Variants in SIDT1 observed in about 807,000 individuals in gnomAD.
SIDT1 encodes the protein SID1 transmembrane family, member 1.
Under a neutral mutation model 107.5 loss-of-function variants are expected in SIDT1, and 101 were observed. The ratio of observed to expected loss-of-function variants is 0.94; its 90% CI spans 0.80 to 1.11. The LOEUF (loss-of-function observed/expected upper bound fraction) is 1.11, where lower values mean the gene tolerates loss of function less well. SIDT1 is among the 50% of genes least tolerant of loss of function. SIDT1 has a pLI of 0.00. For synonymous variants in SIDT1, 395 were observed against 398.2 expected (o/e 0.99, Z 0.10); for missense variants, 1,076 against 1,058.2 (o/e 1.02, Z -0.23).
chr3:113,582,739 AAAAC>A (rs753584500), intron 6 of SIDT1, among the ~76,000 whole-genome samples: 24 of 152,306 alleles, frequency 1.6e-4, no homozygotes, highest in Non-Finnish European at 2.8e-4. Context: ...TCCTTCTCAA[AAAAC>A]AAACAAACAA....
chr3:113,608,201 A>G lies in SIDT1; in HGVS notation c.1586A>G (p.Lys529Arg), dbSNP rs1945477911. The change falls in exon 16 of 25, where the codon AAG becomes AGG. Residue 529 changes from lysine to arginine, a missense_variant. Physicochemically the swap from Lys to Arg is conservative, Grantham distance 26. Transcript: ENST00000264852. The stretch of plus-strand genomic sequence containing the variant: ...CTCCATCGGAGAGCCCTGGAAGCCA[A>G]GGACATCTTTGCTGTGGTGAGGAAA... ...DILHRRALEA[K>R]DIFAVEYGIP... 6.2e-7 allele frequency: 1 copy of G among 1,600,116 alleles called. No individual in the cohort carries two copies. The highest frequency in any genetic ancestry group is 1.3e-5 in the African/African-American group (1 of 74,498).
At chr3:113,623,315 A>T (rs1946602687) in intron 21 of SIDT1, 112 bp from the exon 22 acceptor site, 2 of 167,760 alleles carry the variant, frequency 1.2e-5, no homozygotes, top group South Asian at 1.5e-4. Context: ...AATAAAAGTT[A>T]AAAAAAAAAA....
chr3:113,545,606 G>C (rs138494107), intron 1 of SIDT1, among the ~76,000 whole-genome samples: 8 of 152,128 alleles, frequency 5.3e-5, no homozygotes, highest in Non-Finnish European at 1.5e-5. Context: ...TGACATGATC[G>C]GTTGTCATCC....
rs548776993 is a variant in SIDT1 at position 113,593,426 on chromosome 3, C to T, written c.1045+378C>T. Among the ~76,000 whole-genome samples the T allele has an allele frequency of 5.9e-5, 9 of 152,270 alleles. 1 individual carries two copies. The East Asian group carries it at 1.4e-3, about 23-fold the overall frequency. ...CTGTGCATGCGAGGGATCTGGGTTG[C>T]GTGCTCCTTATGAGAATCTAATGCC... On this transcript the variant is annotated intron_variant, in intron 10 of 24. Coordinates refer to ENST00000264852, the MANE Select transcript of SIDT1 (RefSeq NM_017699.3).
intron 1 of SIDT1, among the ~76,000 whole-genome samples, chr3:113,548,274 T>C (rs1236690374): frequency 6.6e-6 from 1 of 152,166 alleles, no homozygotes; most frequent in Non-Finnish European, 1.5e-5. Flanking sequence ...TCACTCTTGG[T>C]GTTGCACAGT....
chr3:113,549,294 A>G (rs1415933115), intron 1 of SIDT1, among the ~76,000 whole-genome samples: 1 of 152,202 alleles, frequency 6.6e-6, no homozygotes, highest in Non-Finnish European at 1.5e-5. Flanking sequence ...TGGAGTATAT[A>G]GTAAGACTAT....
At chr3:113,632,653 T>C (rs1191240585), downstream of SIDT1, 2 of 152,194 alleles carry the variant, frequency 1.3e-5, no homozygotes, top group Admixed American at 1.3e-4. Context: ...GGCTAGGCAC[T>C]GTGAGAAAAT....
At chr3:113,597,314 T>C (rs889176638) in intron 10 of SIDT1, among the ~76,000 whole-genome samples, 1 of 151,974 alleles carries the variant, frequency 6.6e-6, no homozygotes. Context: ...CTGGCCAACA[T>C]TGTGAAACCC....
chr3:113,552,868 A>C (rs1323947141), intron 1 of SIDT1, among the ~76,000 whole-genome samples: 1 of 152,140 alleles, frequency 6.6e-6, no homozygotes, highest in Non-Finnish European at 1.5e-5. Flanking sequence ...AAATTCACAC[A>C]GTGGGTTGGA....
intron 1 of SIDT1, among the ~76,000 whole-genome samples, chr3:113,541,251 C>T (rs1938825509): frequency 6.6e-6 from 1 of 152,134 alleles, no homozygotes; most frequent in East Asian, 1.9e-4. Flanking sequence ...CTCACTGCAA[C>T]CTCTGCCTCC....
chr3:113,612,148 G>C lies in SIDT1; in HGVS notation c.1920G>C (p.Ser640=), dbSNP rs201901082. 1.2e-6 allele frequency: 2 copies of C among 1,613,888 alleles called. No individual in the cohort carries two copies. Among genetic ancestry groups the C allele is most frequent in the Non-Finnish European group, 1.7e-6 (2 of 1,179,990 alleles). ...VIFSAIHVLA[S]LALSTQIYYM... is the part of the protein sequence containing the mutation. ...TCTCTGCAATCCACGTTCTGGCCTC[G>C]CTAGCCCTCAGCACCCAGATATATT... The change falls in exon 19 of 25, where the codon TCG becomes TCC. Residue 640 remains serine, a synonymous_variant. Coordinates refer to ENST00000264852, the MANE Select transcript of SIDT1 (RefSeq NM_017699.3).
At chr3:113,564,052 G>C (rs542441236) in intron 1 of SIDT1, among the ~76,000 whole-genome samples, 3 of 152,048 alleles carry the variant, frequency 2.0e-5, no homozygotes, top group Admixed American at 6.6e-5. Context: ...GGGTTCAAGC[G>C]ATTCTCCTGC....
chr3:113,600,927 A>G (rs1396726122), intron 10 of SIDT1, among the ~76,000 whole-genome samples: 1 of 152,188 alleles, frequency 6.6e-6, no homozygotes, highest in East Asian at 1.9e-4. Context: ...TGAGGGCCAA[A>G]GTCTGCATTT....
At chr3:113,559,501 G>A (rs1941222824) in intron 1 of SIDT1, among the ~76,000 whole-genome samples, 1 of 151,606 alleles carries the variant, frequency 6.6e-6, no homozygotes, top group Non-Finnish European at 1.5e-5. Flanking sequence ...CAGTGTAGTG[G>A]CCCAATCTGG....
At chr3:113,556,097 C>T (rs1940827173) in intron 1 of SIDT1, among the ~76,000 whole-genome samples, 1 of 152,042 alleles carries the variant, frequency 6.6e-6, no homozygotes, top group Non-Finnish European at 1.5e-5. Flanking sequence ...TTGAAGAAAC[C>T]GAGGGCGAGA....
Position 113,627,882 on chromosome 3 carries a change from G to A in SIDT1, c.*174G>A, listed in dbSNP as rs1946957800. The A allele has an allele frequency of 3.2e-6, 2 of 615,746 alleles. No individual in the cohort carries two copies. Among genetic ancestry groups the A allele is most frequent in the African/African-American group, 3.7e-5 (2 of 54,010 alleles). 38.1% of individuals were successfully genotyped at this position (615,746 alleles called of 1,614,324 possible). On this transcript the variant is annotated 3_prime_UTR_variant, in exon 25 of 25. Transcript: ENST00000264852. ...GCGGGAGATTTAAACCTGCAAGAAA[G>A]GAGGCAGAAGGGGAGCCATGTTTTG...
At chr3:113,597,854 T>C (rs1944684115) in intron 10 of SIDT1, among the ~76,000 whole-genome samples, 1 of 152,254 alleles carries the variant, frequency 6.6e-6, no homozygotes, top group Non-Finnish European at 1.5e-5. Flanking sequence ...GTCTGTCTTA[T>C]AAGCTGATAT....
At chr3:113,619,952 C>A in intron 21 of SIDT1, 3 of 456,834 alleles carry the variant, frequency 6.6e-6, no homozygotes, top group Non-Finnish European at 1.2e-5. Context: ...AGACAAACAT[C>A]AAAACTTGTT....
chr3:113,568,730 A>G (rs989578233), intron 3 of SIDT1, among the ~76,000 whole-genome samples: 2 of 152,214 alleles, frequency 1.3e-5, no homozygotes, highest in Non-Finnish European at 2.9e-5. Context: ...ATGTATACCC[A>G]ACTCCTAGAT....
Sources: allele counts gnomAD v4.1 joint callset (sites outside exome capture counted in the v4.1 genomes callset), GRCh38; gene constraint gnomAD v4.1.1; transcripts MANE v1.5; gene names NCBI Gene and HGNC (gene_info 2026-07-23, HGNC 2026-07-21).